CUX2: variants seen among roughly 807,000 people sequenced by gnomAD.
CUX2 encodes the protein cut like homeobox 2.
A neutral mutation model predicts 144.8 loss-of-function variants in CUX2; 40 were observed. That is an observed-to-expected ratio of 0.28 (90% CI 0.21 to 0.36). The LOEUF (loss-of-function observed/expected upper bound fraction) is 0.36, where lower values mean the gene tolerates loss of function less well. Ranked by LOEUF, CUX2 falls within the 10% of genes least tolerant of loss-of-function variation. CUX2 has a pLI of 1.00. For missense variants in CUX2, 1,615 were observed against 1,994.0 expected (o/e 0.81, Z 3.62); for synonymous variants, 827 against 875.6 (o/e 0.94, Z 0.98).
intron 1 of CUX2, among the ~76,000 whole-genome samples, chr12:111,096,575 A>G (rs897732366): frequency 8.6e-5 from 13 of 151,992 alleles, no homozygotes; most frequent in African/African-American, 3.1e-4. Flanking sequence ...CTCTTCTCTG[A>G]TGCTTCACAT....
chr12:111,087,229 G>A (rs999149467), intron 1 of CUX2, among the ~76,000 whole-genome samples: 6 of 151,860 alleles, frequency 4.0e-5, no homozygotes, highest in African/African-American at 7.3e-5. Flanking sequence ...TTAGCTGGGC[G>A]TGGTGGCGGG....
At chr12:111,069,520 CTG>C (rs150243402) in intron 1 of CUX2, among the ~76,000 whole-genome samples, 986 of 138,932 alleles carry the variant, frequency 7.1e-3, no homozygotes, top group Middle Eastern at 0.01. Flanking sequence ...AAGCCTTGCT[CTG>C]TGTGTGTGTG....
chr12:111,191,947 A>G (rs1022572189), intron 1 of CUX2, among the ~76,000 whole-genome samples: 1 of 152,110 alleles, frequency 6.6e-6, no homozygotes, highest in African/African-American at 2.4e-5. Context: ...CATGATGCTT[A>G]TAAGGGAGGA....
intron 4 of CUX2, among the ~76,000 whole-genome samples, chr12:111,278,120 A>G (rs1013171126): frequency 6.6e-6 from 1 of 152,170 alleles, no homozygotes; most frequent in Admixed American, 6.5e-5. Flanking sequence ...TGTTCCATGT[A>G]ACATAACACT....
At chr12:111,249,557 G>A (rs1361268237) in intron 3 of CUX2, among the ~76,000 whole-genome samples, 1 of 150,218 alleles carries the variant, frequency 6.7e-6, no homozygotes, top group Non-Finnish European at 1.5e-5. Context: ...CCCAGGTTCA[G>A]GTGATTCTCC....
intron 1 of CUX2, among the ~76,000 whole-genome samples, chr12:111,195,763 G>C (rs1219916230): frequency 6.6e-6 from 1 of 152,162 alleles, no homozygotes; most frequent in Non-Finnish European, 1.5e-5. Flanking sequence ...GCAAAGACAA[G>C]GCTCTCAAAG....
chr12:111,189,303 T>C (rs1793780816), intron 1 of CUX2, among the ~76,000 whole-genome samples: 1 of 152,126 alleles, frequency 6.6e-6, no homozygotes. Context: ...CATTCCCTGC[T>C]ACCCAGAAAC....
intron 1 of CUX2, among the ~76,000 whole-genome samples, chr12:111,040,163 T>C (rs1869667981): frequency 6.6e-6 from 1 of 152,008 alleles, no homozygotes. Context: ...GGCACCTGCC[T>C]GCAGTCCCAG....
intron 1 of CUX2, among the ~76,000 whole-genome samples, chr12:111,212,082 TGCCAAGTGAGATTCTGTCCACCTG>T (rs1314011793): frequency 1.3e-5 from 2 of 152,210 alleles, no homozygotes; most frequent in Non-Finnish European, 2.9e-5. Context: ...TTTTCTCTCC[TGCCAAGTGAGATTCTGTCCACCTG>T]GCCGCGCCAG....
intron 1 of CUX2, among the ~76,000 whole-genome samples, chr12:111,201,009 C>A (rs949769254): frequency 6.6e-6 from 1 of 152,124 alleles, no homozygotes; most frequent in African/African-American, 2.4e-5. Context: ...GTCAGGCACT[C>A]GGCAAAGTCA....
chr12:111,324,600 A>G (rs191737140), intron 18 of CUX2, among the ~76,000 whole-genome samples: 1,748 of 152,042 alleles, frequency 0.011, 38 homozygotes, highest in African/African-American at 0.039. Context: ...TCCCGGGTTC[A>G]AGCGATTCTC....
chr12:111,175,752 T>C (rs1184202978), intron 1 of CUX2, among the ~76,000 whole-genome samples: 1 of 152,032 alleles, frequency 6.6e-6, no homozygotes, highest in Non-Finnish European at 1.5e-5. Context: ...GAGACATCAG[T>C]TAAAGTGTAT....
intron 1 of CUX2, among the ~76,000 whole-genome samples, chr12:111,199,906 T>A (rs886134464): frequency 1.3e-4 from 20 of 151,902 alleles, no homozygotes; most frequent in African/African-American, 4.6e-4. Flanking sequence ...CCATCTACAG[T>A]CACAGAGGAA....
chr12:111,128,568 T>C (rs1875238786), intron 1 of CUX2, among the ~76,000 whole-genome samples: 1 of 152,174 alleles, frequency 6.6e-6, no homozygotes, highest in African/African-American at 2.4e-5. Context: ...CTGCTGTGCA[T>C]GCCCCCCTTT....
At position 111,347,815 on chromosome 12, in the gene CUX2, C is replaced by A; in HGVS notation, c.3951C>A (p.Asp1317Glu). The A allele has an allele frequency of 6.2e-7, 1 of 1,614,078 alleles. No homozygotes were observed. Among genetic ancestry groups the A allele is most frequent in the Non-Finnish European group, 8.5e-7 (1 of 1,180,002 alleles). Residue 1317 changes from aspartate (D) to glutamate (E), a missense_variant, in exon 22 of 22, where the codon GAC (aspartate) becomes GAA (glutamate). Physicochemically the swap from Asp to Glu is conservative, Grantham distance 45. Around this residue, in one of 12 missense-constraint regions of CUX2, gnomAD observed 298 missense variants for 330.4 expected, o/e 0.90. Transcript: ENST00000261726. Reference sequence around the variant, plus strand: ...AAGAGGCAGGCAGCCAGCCCCAGGACTCAGGGGAGCTGGACAAAGGCCAAG... The same window carrying A: ...AAGAGGCAGGCAGCCAGCCCCAGGAATCAGGGGAGCTGGACAAAGGCCAAG... ...AEEEAGSQPQ[D>E]SGELDKGQGP...
At chr12:111,338,230 A>G in intron 19 of CUX2, 56 bp from the exon 20 acceptor site, 1 of 1,520,224 alleles carries the variant, frequency 6.6e-7, no homozygotes. Flanking sequence ...CTCTCCTGGG[A>G]GTAGGCTTCT....
At chr12:111,237,175 A>G (rs1200604383) in intron 3 of CUX2, among the ~76,000 whole-genome samples, 1 of 152,148 alleles carries the variant, frequency 6.6e-6, no homozygotes, top group East Asian at 1.9e-4. Context: ...ATAAAAATAA[A>G]AGAGGCAAAA....
chr12:111,128,861 C>G (rs1002068404), intron 1 of CUX2, among the ~76,000 whole-genome samples: 2 of 152,184 alleles, frequency 1.3e-5, no homozygotes, highest in African/African-American at 2.4e-5. Context: ...GGTCATATGG[C>G]CCAAGCAATA....
At chr12:111,066,347 T>C (rs1871019022) in intron 1 of CUX2, among the ~76,000 whole-genome samples, 1 of 152,258 alleles carries the variant, frequency 6.6e-6, no homozygotes, top group Admixed American at 6.5e-5. Flanking sequence ...TTGTCTTCCA[T>C]GTTACTGGAC....
Sources: gnomAD v4.1 joint callset for allele counts (sites outside exome capture counted in the v4.1 genomes callset) on GRCh38, gnomAD v4.1.1 for gene constraint, gnomAD v4.1.1 regional missense constraint, MANE v1.5 for transcripts, NCBI Gene and HGNC (gene_info 2026-07-23, HGNC 2026-07-21) for gene names.